Variants in PDLIM5 observed in about 807,000 individuals in gnomAD.
PDLIM5 encodes PDZ and LIM domain protein 5.
Under a neutral mutation model 64.2 loss-of-function variants are expected in PDLIM5, and 34 were observed. The observed-to-expected ratio is 0.53, with a 90% confidence interval of 0.40 to 0.71. PDLIM5 has a LOEUF of 0.71. Ranked by LOEUF, PDLIM5 falls within the 30% of genes least tolerant of loss-of-function variation. The pLI is 0.00. For synonymous variants in PDLIM5, 253 were observed against 269.1 expected (o/e 0.94, Z 0.59); for missense variants, 683 against 733.6 (o/e 0.93, Z 0.80).
At chr4:94,522,102 C>G (rs1441646812) in intron 2 of PDLIM5, among the ~76,000 whole-genome samples, 2 of 152,272 alleles carry the variant, frequency 1.3e-5, no homozygotes, top group East Asian at 3.9e-4. Flanking sequence ...CTGAGATCGT[C>G]TAGTGCAGGC....
intron 7 of PDLIM5, among the ~76,000 whole-genome samples, chr4:94,602,169 C>T (rs1412040456): frequency 6.6e-6 from 1 of 152,068 alleles, no homozygotes; most frequent in East Asian, 1.9e-4. Context: ...GTGAATTTTT[C>T]CTCTTATTGA....
intron 2 of PDLIM5, among the ~76,000 whole-genome samples, chr4:94,472,082 A>C (rs1354066241): frequency 6.6e-6 from 1 of 152,174 alleles, no homozygotes. Flanking sequence ...TATCATCTTC[A>C]AAATTCAATT....
chr4:94,502,941 AGATATCTTTGT>A (rs1166175098), intron 2 of PDLIM5, among the ~76,000 whole-genome samples: 1 of 152,170 alleles, frequency 6.6e-6, no homozygotes, highest in Non-Finnish European at 1.5e-5. Flanking sequence ...ATATTGAAAT[AGATATCTTTGT>A]GATTGTTGCC....
chr4:94,458,371 C>T (rs979748443), intron 2 of PDLIM5, among the ~76,000 whole-genome samples: 39 of 152,208 alleles, frequency 2.6e-4, no homozygotes, highest in African/African-American at 8.7e-4. Flanking sequence ...GTCTGGCAGT[C>T]TCTCAATTAT....
intron 7 of PDLIM5, among the ~76,000 whole-genome samples, chr4:94,592,113 A>G (rs1736718271): frequency 6.6e-6 from 1 of 152,216 alleles, no homozygotes; most frequent in African/African-American, 2.4e-5. Flanking sequence ...AAGGATGTTT[A>G]TTTGTTGACT....
intron 7 of PDLIM5, among the ~76,000 whole-genome samples, chr4:94,598,281 C>T (rs1158616911): frequency 2.0e-5 from 3 of 152,084 alleles, no homozygotes; most frequent in Non-Finnish European, 4.4e-5. Flanking sequence ...TTAGTCATGT[C>T]GTATGGCTCC....
At chr4:94,588,701 A>T (rs542459388) in intron 7 of PDLIM5, among the ~76,000 whole-genome samples, 1 of 152,222 alleles carries the variant, frequency 6.6e-6, no homozygotes, top group South Asian at 2.1e-4. Flanking sequence ...CTATTGTGCA[A>T]CATAGAATTA....
At chr4:94,592,750 C>G (rs1202907936) in intron 7 of PDLIM5, among the ~76,000 whole-genome samples, 2 of 152,166 alleles carry the variant, frequency 1.3e-5, no homozygotes, top group Non-Finnish European at 2.9e-5. Context: ...CCTCAGCCTC[C>G]CAAGTAGCTG....
rs1452604313 is a variant in PDLIM5 at position 94,610,373 on chromosome 4, A to G, written c.921-7631A>G. On this transcript the variant is annotated intron_variant, in intron 7 of 12. Coordinates refer to ENST00000317968, the MANE Select transcript of PDLIM5 (RefSeq NM_006457.5). The stretch of plus-strand genomic sequence containing the variant: ...TCTTCACTGTCTTACAAGTCACCTC[A>G]AAGAAAACATGCCCCTTTGAAGCAA... The G allele has an allele frequency of 3.2e-6, 3 of 945,380 alleles. No individual in the cohort carries two copies. The Admixed American group carries it at 1.1e-4, about 35-fold the overall frequency. 58.6% of individuals were successfully genotyped at this position (945,380 alleles called of 1,614,324 possible).
At chr4:94,558,090 T>C (rs1327291499) in intron 3 of PDLIM5, among the ~76,000 whole-genome samples, 4 of 152,198 alleles carry the variant, frequency 2.6e-5, no homozygotes, top group Admixed American at 2.0e-4. Flanking sequence ...CATCAGTGCC[T>C]AATTTATTGA....
chr4:94,483,281 CAT>C (rs1464442157), intron 2 of PDLIM5, among the ~76,000 whole-genome samples: 2 of 152,008 alleles, frequency 1.3e-5, no homozygotes, highest in Non-Finnish European at 2.9e-5. Context: ...TAATTAAAAA[CAT>C]ACTAAAACAA....
intron 2 of PDLIM5, among the ~76,000 whole-genome samples, chr4:94,523,104 G>A (rs2577055): frequency 0.7 from 105,968 of 152,106 alleles, 40,866 homozygotes; most frequent in East Asian, 0.85. Context: ...ACTGTGACAT[G>A]CACAAAAAAG....
intron 2 of PDLIM5, among the ~76,000 whole-genome samples, chr4:94,481,177 CT>C (rs1725813500): frequency 6.6e-6 from 1 of 151,904 alleles, no homozygotes; most frequent in Admixed American, 6.6e-5. Flanking sequence ...AATAAATACC[CT>C]GTCATTTGCT....
chr4:94,533,312 GA>G (rs1167303412), intron 3 of PDLIM5, among the ~76,000 whole-genome samples: 1 of 152,008 alleles, frequency 6.6e-6, no homozygotes, highest in African/African-American at 2.4e-5. Context: ...TTTAACATAT[GA>G]AAGTCTTATT....
chr4:94,584,376 G>T (rs1206943503), intron 5 of PDLIM5: 2 of 152,074 alleles, frequency 1.3e-5, no homozygotes, highest in Non-Finnish European at 2.9e-5. Flanking sequence ...TTGTATTTAT[G>T]CCCTTTTGAA....
intron 7 of PDLIM5, among the ~76,000 whole-genome samples, chr4:94,588,536 C>T (rs1219409154): frequency 2.0e-5 from 3 of 151,646 alleles, no homozygotes; most frequent in Non-Finnish European, 4.4e-5. Context: ...GCATTCCAGC[C>T]TGGGCAACAA....
intron 2 of PDLIM5, chr4:94,455,740 C>A: frequency 6.7e-7 from 1 of 1,487,692 alleles, no homozygotes; most frequent in South Asian, 1.2e-5. Context: ...TTAATAATCT[C>A]TTTCAGTTCC....
intron 2 of PDLIM5, among the ~76,000 whole-genome samples, chr4:94,517,788 T>C (rs1290695965): frequency 6.6e-6 from 1 of 152,234 alleles, no homozygotes; most frequent in Non-Finnish European, 1.5e-5. Context: ...TGCCCTTTGG[T>C]AGTGGCTCTT....
intron 8 of PDLIM5, among the ~76,000 whole-genome samples, chr4:94,632,337 T>C (rs567203300): frequency 6.6e-5 from 10 of 152,366 alleles, no homozygotes; most frequent in Non-Finnish European, 1.5e-5. Context: ...ATATTCTTGA[T>C]CTGTTAAATA....
Sources: allele counts gnomAD v4.1 joint callset (sites outside exome capture counted in the v4.1 genomes callset), GRCh38; gene constraint gnomAD v4.1.1; transcripts MANE v1.5; gene names NCBI Gene and HGNC (gene_info 2026-07-23, HGNC 2026-07-21).